Variants in KCTD19 observed in about 807,000 individuals in gnomAD.
The protein encoded by KCTD19 is potassium channel tetramerization domain containing 19.
KCTD19 carries 67 observed loss-of-function variants against 103.5 expected under a neutral mutation model. The ratio of observed to expected loss-of-function variants is 0.65; its 90% CI spans 0.53 to 0.79. The LOEUF is 0.79. Among genes scored for constraint, KCTD19 ranks in the 30% least tolerant of loss-of-function variants. The probability of loss-of-function intolerance (pLI) is 0.00; values close to 1 mark genes in which losing one functional copy is unlikely to be tolerated. For missense variants in KCTD19, 980 were observed against 1,136.1 expected (o/e 0.86, Z 1.98); for synonymous variants, 439 against 452.2 (o/e 0.97, Z 0.37).
chr16:67,324,536 T>C (rs1263322792), intron 1 of KCTD19, among the ~76,000 whole-genome samples: 1 of 152,150 alleles, frequency 6.6e-6, no homozygotes, highest in Non-Finnish European at 1.5e-5. Flanking sequence ...AGAATGCAGG[T>C]GGTGGATATA....
chr16:67,324,371 T>C (rs111357991), intron 1 of KCTD19, among the ~76,000 whole-genome samples: 7 of 152,312 alleles, frequency 4.6e-5, no homozygotes, highest in African/African-American at 1.7e-4. Flanking sequence ...AATATCGAAT[T>C]CTAATTAAAA....
At chr16:67,291,046 A>T in intron 14 of KCTD19, 60 bp from the exon 15 acceptor site, 1 of 1,557,402 alleles carries the variant, frequency 6.4e-7, no homozygotes, top group Non-Finnish European at 8.8e-7. Context: ...TCAGAGTGAG[A>T]TGCAGAGCGG....
At chr16:67,321,293 G>T (rs2037070484) in intron 1 of KCTD19, among the ~76,000 whole-genome samples, 1 of 152,160 alleles carries the variant, frequency 6.6e-6, no homozygotes, top group South Asian at 2.1e-4. Context: ...ATCTGAAAGT[G>T]AAATTAAGAA....
rs375492264 is a variant in KCTD19, at chr16:67,295,460, G to C, written c.1249-55C>G. 3.7e-4 allele frequency: 575 copies of C among 1,549,068 alleles called. 6 individuals are homozygous for C. In the South Asian group the frequency reaches 6.6e-3, roughly 18 times the overall value. ...TCAGAGGCTAGGTCTTTGCGAAGGG[G>C]CAGGTCAATCTTCTCTCACTCCCCT... is the stretch of plus-strand genomic sequence containing the variant. On this transcript the variant is annotated intron_variant, in intron 8 of 15. Coordinates refer to ENST00000304372, the MANE Select transcript of KCTD19 (RefSeq NM_001100915.3).
At chr16:67,291,581 C>A in intron 13 of KCTD19, 65 bp downstream of exon 13, 2 of 1,578,436 alleles carry the variant, frequency 1.3e-6, no homozygotes, top group Non-Finnish European at 8.6e-7. Flanking sequence ...CCTGAAGTAC[C>A]CTGGGAGGGG....
At position 67,326,712 on chromosome 16, in the gene KCTD19, G is replaced by C. The variant is rs1243458793; in HGVS notation, c.-5C>G. On this transcript the variant is annotated 5_prime_UTR_variant, in exon 1 of 16. Coordinates refer to ENST00000304372, the MANE Select transcript of KCTD19 (RefSeq NM_001100915.3). ...CCAGAGCGGGCTCCGTACCATGGTC[G>C]CGGCTCCAGCAGCGGGCGGGCGGGC... is the stretch of plus-strand genomic sequence containing the variant. 1.3e-6 allele frequency: 2 copies of C among 1,576,700 alleles called. No homozygotes were observed. Among genetic ancestry groups the C allele is most frequent in the Non-Finnish European group, 1.7e-6 (2 of 1,166,546 alleles).
intron 2 of KCTD19, among the ~76,000 whole-genome samples, chr16:67,311,774 T>C (rs928566177): frequency 1.3e-5 from 2 of 151,984 alleles, no homozygotes; most frequent in Non-Finnish European, 2.9e-5. Context: ...GGTGTGTGTC[T>C]TTGTTGGGAT....
Position 67,303,275 on chromosome 16 carries a change from C to T in KCTD19, c.514G>A (p.Val172Met), listed in dbSNP as rs1261285851. 3.7e-6 allele frequency: 6 copies of T among 1,614,122 alleles called. No homozygotes were observed. Among genetic ancestry groups the T allele is most frequent in the Non-Finnish European group, 5.1e-6 (6 of 1,179,994 alleles). ...TCTAGGGGCAGGAAGCAGTAGTGCA[C>T]CTCCTCTTCTGTGTCTAACAGGGGT... ...DTPLLDTEEE[V>M]HYCFLPLDLV... The change falls in exon 4 of 16, where the codon GTG (valine) becomes ATG (methionine). Residue 172 changes from valine to methionine, a missense_variant. Physicochemically the swap from Val to Met is conservative, Grantham distance 21 (BLOSUM62 1). Transcript: ENST00000304372. This position sits in a 1 kb window ranked among gnomAD's most constrained non-coding sequence, Gnocchi z 4.3.
At chr16:67,311,461 C>A (rs2036947967) in intron 2 of KCTD19, among the ~76,000 whole-genome samples, 1 of 152,064 alleles carries the variant, frequency 6.6e-6, no homozygotes, top group Admixed American at 6.6e-5. Context: ...TGCCACCACG[C>A]CTGGCTAATT....
chr16:67,301,760 G>T (rs751733264), intron 5 of KCTD19, 31 bp downstream of exon 5: 3 of 1,609,966 alleles, frequency 1.9e-6, no homozygotes, highest in South Asian at 2.2e-5. Context: ...CAAGACTGTC[G>T]AGGGGGAGCC....
chr16:67,294,811 T>C, intron 10 of KCTD19, 117 bp from the exon 11 acceptor site: 2 of 942,382 alleles, frequency 2.1e-6, no homozygotes, highest in Non-Finnish European at 3.4e-6. Flanking sequence ...AAGAAGGGGC[T>C]CTTAAAGGGT....
intron 1 of KCTD19, chr16:67,321,560 G>A (rs942794978): frequency 7.9e-5 from 12 of 152,064 alleles, no homozygotes; most frequent in African/African-American, 2.9e-4. Context: ...TTGAAAAACT[G>A]ATGCTAAAAT....
chr16:67,291,198 C>G, intron 14 of KCTD19, 111 bp downstream of exon 14: 1 of 1,382,076 alleles, frequency 7.2e-7, no homozygotes, highest in Non-Finnish European at 9.9e-7. Flanking sequence ...TGGCCTTCTC[C>G]TTAACCCCAT....
Position 67,293,987 on chromosome 16 carries a change from C to T in KCTD19, c.1775G>A (p.Arg592His), listed in dbSNP as rs768569300. ...AGNPSTYSHCRGLCTNPGHWG... is the reference protein window; with the variant it reads ...AGNPSTYSHCHGLCTNPGHWG... ...GTGTCCAGGATTGGTACACAAGCCA[C>T]GGCAGTGTGAGTATGTGCTAGGGTT... The change falls in exon 12 of 16, where the codon CGT (arginine) becomes CAT (histidine). Residue 592 changes from arginine (R) to histidine (H), a missense_variant. Coordinates refer to ENST00000304372, the MANE Select transcript of KCTD19 (RefSeq NM_001100915.3). This position sits in a 1 kb window ranked among gnomAD's most constrained non-coding sequence, Gnocchi z 4.0. 8.1e-6 allele frequency: 13 copies of T among 1,613,976 alleles called. No homozygotes were observed. The African/African-American group carries it at 9.3e-5, about 12-fold the overall frequency.
intron 1 of KCTD19, among the ~76,000 whole-genome samples, chr16:67,325,665 G>A (rs1368331945): frequency 6.6e-6 from 1 of 152,066 alleles, no homozygotes; most frequent in Non-Finnish European, 1.5e-5. Flanking sequence ...TTAGGGATGC[G>A]GCTGTTCTTT....
chr16:67,313,930 C>A (rs1388655473), intron 2 of KCTD19, among the ~76,000 whole-genome samples: 1 of 151,794 alleles, frequency 6.6e-6, no homozygotes, highest in Non-Finnish European at 1.5e-5. Context: ...AATCTCGGCT[C>A]ACTACAGCCT....
Position 67,303,089 on chromosome 16 carries a change from AG to A in KCTD19, c.643+56del. 6.8e-7 allele frequency: 1 copy of A among 1,464,238 alleles called. No individual in the cohort carries two copies. The highest frequency in any genetic ancestry group is 9.5e-7 in the Non-Finnish European group (1 of 1,049,916). The allele number at this position is 1,464,238 out of a possible 1,614,324, so 90.7% of individuals were successfully genotyped here. On this transcript the variant is annotated intron_variant, in intron 4 of 15. Coordinates refer to ENST00000304372, the MANE Select transcript of KCTD19 (RefSeq NM_001100915.3). The surrounding 1 kb of genome is among the most constrained non-coding windows in gnomAD (Gnocchi z 4.3). ...GGCCTCTGTGGGACATGTGATGGGG[AG>A]GGGTGAATGGGCCCTATCAGCCCGC... is the stretch of plus-strand genomic sequence containing the variant.
chr16:67,304,145 G>T (rs549488880), intron 3 of KCTD19, among the ~76,000 whole-genome samples: 2 of 152,338 alleles, frequency 1.3e-5, no homozygotes, highest in East Asian at 3.9e-4. Context: ...CAAAAGAATG[G>T]TGGCATTCCC....
At chr16:67,304,370 A>C (rs2036868796) in intron 3 of KCTD19, 51 bp downstream of exon 3, 1 of 1,585,978 alleles carries the variant, frequency 6.3e-7, no homozygotes, top group African/African-American at 1.3e-5. Flanking sequence ...TAGGGTGAGG[A>C]GAGGGAAAGT....
Sources: allele counts gnomAD v4.1 joint callset (sites outside exome capture counted in the v4.1 genomes callset), GRCh38; gene constraint gnomAD v4.1.1; non-coding constraint Gnocchi (gnomAD v3.1); transcripts MANE v1.5; gene names NCBI Gene and HGNC (gene_info 2026-07-23, HGNC 2026-07-21).